MAST2: variants seen among roughly 807,000 people sequenced by gnomAD.
The protein encoded by MAST2 is microtubule associated serine/threonine kinase 2.
In MAST2, 70 loss-of-function variants were observed where a neutral mutation model predicts 147.4. The ratio of observed to expected loss-of-function variants is 0.47; its 90% confidence interval spans 0.39 to 0.58. The LOEUF (loss-of-function observed/expected upper bound fraction) is 0.58. MAST2 is among the 20% of genes least tolerant of loss of function. The pLI is 0.00. For synonymous variants in MAST2, 869 were observed against 896.8 expected, an observed-to-expected ratio of 0.97 and a Z score of 0.55; for missense variants, 2,080 against 2,302.3, an observed-to-expected ratio of 0.90 and a Z score of 1.98.
chr1:45,949,495 T>C (rs1040417829), intron 4 of MAST2, among the ~76,000 whole-genome samples: 4 of 152,104 alleles, frequency 2.6e-5, no homozygotes, highest in African/African-American at 9.7e-5. Context: ...ATTAGAGAAC[T>C]GCAAATCAAA....
chr1:45,814,424 G>A (rs1449628622), intron 1 of MAST2, among the ~76,000 whole-genome samples: 1 of 152,018 alleles, frequency 6.6e-6, no homozygotes, highest in Non-Finnish European at 1.5e-5. Flanking sequence ...AGGCTAGTGC[G>A]TATGTTTGTA....
intron 4 of MAST2, among the ~76,000 whole-genome samples, chr1:45,933,789 C>T (rs912907063): frequency 4.6e-5 from 7 of 152,084 alleles, no homozygotes; most frequent in Non-Finnish European, 4.4e-5. Flanking sequence ...TCTGACCCCC[C>T]ATTACCCTTG....
intron 4 of MAST2, among the ~76,000 whole-genome samples, chr1:45,937,041 GC>G (rs1228128037): frequency 3.6e-5 from 1 of 27,762 alleles, no homozygotes; most frequent in Non-Finnish European, 6.7e-5. Flanking sequence ...CCATGCCTGG[GC>G]TTTTTTTTTT....
intron 11 of MAST2, 23 bp downstream of exon 11, chr1:46,019,720 AGGTG>A (rs780067011): frequency 3.7e-6 from 6 of 1,600,458 alleles, no homozygotes; most frequent in Admixed American, 1.7e-5. Flanking sequence ...TAGGAAAGTC[AGGTG>A]GGCAGATTTA....
Position 46,029,447 on chromosome 1 carries a change from T to C in MAST2, c.2219-19T>C. On this transcript the variant is annotated intron_variant, in intron 18 of 28. Transcript: ENST00000361297. ...CTACCCACAATTTCTCCTTTCCCTC[T>C]CACCCCTGATGACTTCAGATGAGAT... 6.3e-7 allele frequency: 1 copy of C among 1,599,142 alleles called. No homozygotes were observed. The highest frequency in any genetic ancestry group is 2.2e-5 in the East Asian group (1 of 44,750).
chr1:46,026,403 T>TAG (rs1305601633), intron 16 of MAST2, among the ~76,000 whole-genome samples: 2 of 152,132 alleles, frequency 1.3e-5, no homozygotes, highest in Non-Finnish European at 2.9e-5. Context: ...GAGAAAAGGC[T>TAG]AGAGAGAGAG....
At chr1:45,927,585 G>A (rs1487872461) in intron 4 of MAST2, among the ~76,000 whole-genome samples, 1 of 152,202 alleles carries the variant, frequency 6.6e-6, no homozygotes, top group Non-Finnish European at 1.5e-5. Context: ...GGCGGTCAGA[G>A]TTTAAGGTTC....
At chr1:45,817,207 ATTTCTAT>A (rs1644483539) in intron 1 of MAST2, among the ~76,000 whole-genome samples, 1 of 152,132 alleles carries the variant, frequency 6.6e-6, no homozygotes, top group Non-Finnish European at 1.5e-5. Flanking sequence ...TTAGAGAAAG[ATTTCTAT>A]ATTCAAGTAT....
At chr1:45,958,837 C>T (rs1332380381) in intron 4 of MAST2, among the ~76,000 whole-genome samples, 2 of 152,114 alleles carry the variant, frequency 1.3e-5, no homozygotes, top group African/African-American at 4.8e-5. Context: ...TTTTCTCCAA[C>T]CAGAAGAAAA....
At chr1:45,848,394 G>C (rs951155636) in intron 3 of MAST2, among the ~76,000 whole-genome samples, 2 of 152,230 alleles carry the variant, frequency 1.3e-5, no homozygotes, top group African/African-American at 4.8e-5. Context: ...ATTTTGGTAT[G>C]TAGTAGGCAA....
intron 4 of MAST2, among the ~76,000 whole-genome samples, chr1:45,933,053 C>A (rs892721132): frequency 2.2e-5 from 3 of 134,164 alleles, no homozygotes; most frequent in African/African-American, 8.6e-5. Flanking sequence ...TTAGTGAGAC[C>A]CCATTTCTTT....
At chr1:45,841,149 T>C (rs1645261574) in intron 3 of MAST2, among the ~76,000 whole-genome samples, 1 of 151,888 alleles carries the variant, frequency 6.6e-6, no homozygotes, top group Non-Finnish European at 1.5e-5. Context: ...GGGTGGGGGC[T>C]CCCTGTGCTG....
chr1:45,924,165 G>A (rs1653985187), intron 4 of MAST2, among the ~76,000 whole-genome samples: 2 of 151,836 alleles, frequency 1.3e-5, no homozygotes, highest in Non-Finnish European at 2.9e-5. Flanking sequence ...CACCACACTC[G>A]GCAAAAAAAT....
chr1:45,914,886 T>C (rs1652229149), intron 4 of MAST2, among the ~76,000 whole-genome samples: 2 of 152,106 alleles, frequency 1.3e-5, no homozygotes, highest in Admixed American at 6.5e-5. Flanking sequence ...GTTAACAAAA[T>C]TAAAAATTTT....
chr1:45,835,721 C>T (rs180999282), intron 3 of MAST2, among the ~76,000 whole-genome samples: 1 of 152,102 alleles, frequency 6.6e-6, no homozygotes, highest in Non-Finnish European at 1.5e-5. Context: ...ACCACCATCC[C>T]CTGCAAAAAA....
chr1:45,880,906 A>C (rs532595481), intron 3 of MAST2, among the ~76,000 whole-genome samples: 2 of 149,652 alleles, frequency 1.3e-5, no homozygotes, highest in East Asian at 3.9e-4. Flanking sequence ...TGAACCCAGG[A>C]AGTGGAGGTT....
At chr1:45,845,673 T>C (rs1006305191) in intron 3 of MAST2, among the ~76,000 whole-genome samples, 4 of 152,230 alleles carry the variant, frequency 2.6e-5, no homozygotes, top group Non-Finnish European at 4.4e-5. Context: ...TAATCTTTAG[T>C]TCTCTCTCCA....
rs1248555646 is a variant in MAST2 at position 46,023,319 on chromosome 1, G to A, written c.1571+1G>A. 6.2e-7 allele frequency: 1 copy of A among 1,613,872 alleles called. No individual in the cohort carries two copies. The highest frequency in any genetic ancestry group is 1.1e-5 in the South Asian group (1 of 91,074). On this transcript the variant is annotated splice_donor_variant, in intron 14 of 28. Coordinates refer to ENST00000361297, the MANE Select transcript of MAST2 (RefSeq NM_015112.3). LOFTEE classifies it high-confidence loss of function. The surrounding 1 kb of genome is among the most constrained non-coding windows in gnomAD (Gnocchi z 4.9). ...AGCTCATCAGCAATGGCGCCTATGG[G>A]TAAAGGCAGGGGTCAGGGTGTGGCC...
At chr1:45,940,847 C>T (rs903367610) in intron 4 of MAST2, among the ~76,000 whole-genome samples, 11 of 152,236 alleles carry the variant, frequency 7.2e-5, no homozygotes, top group African/African-American at 2.4e-4. Context: ...CCTCGATCTC[C>T]TGACCTCATG....
Sources: gnomAD v4.1 joint callset for allele counts (sites outside exome capture counted in the v4.1 genomes callset) on GRCh38, gnomAD v4.1.1 for gene constraint, Gnocchi (gnomAD v3.1) non-coding constraint, MANE v1.5 for transcripts, NCBI Gene and HGNC (gene_info 2026-07-23, HGNC 2026-07-21) for gene names.